SPATA2: variants seen among roughly 807,000 people sequenced by gnomAD.
SPATA2 encodes the protein spermatogenesis-associated protein 2.
SPATA2 carries 8 observed loss-of-function variants against 35.4 expected under a neutral mutation model. The ratio of observed to expected loss-of-function variants is 0.23; its 90% CI spans 0.13 to 0.41. The LOEUF (loss-of-function observed/expected upper bound fraction) is 0.41, where lower values mean the gene tolerates loss of function less well. Among genes scored for constraint, SPATA2 ranks in the 10% least tolerant of loss-of-function variants. SPATA2 has a pLI of 1.00. For missense variants in SPATA2, 650 were observed against 698.7 expected, an observed-to-expected ratio of 0.93 and a Z score of 0.79; for synonymous variants, 293 against 300.9, an observed-to-expected ratio of 0.97 and a Z score of 0.27.
chr20:49,906,266 G>T lies in SPATA2; in HGVS notation c.916C>A (p.His306Asn), dbSNP rs201505755. Residue 306 changes from histidine to asparagine, a missense_variant, in exon 3 of 3, where the codon CAC (histidine) becomes AAC (asparagine). His to Asn is a moderately conservative substitution (Grantham distance 68). Transcript: ENST00000289431. This position sits in a 1 kb window ranked among gnomAD's most constrained non-coding sequence, Gnocchi z 8.2. ...PSLLTMASSP[H>N]GSPDVLPPAS... is the part of the protein sequence containing the mutation. ...GGTGGAAGCACATCCGGGCTGCCGT[G>T]GGGGGAGCTGGCCATGGTCAGCAGC... 67 of 1,571,214 alleles carry T rather than the reference G, an allele frequency of 4.3e-5. No individual in the cohort carries two copies. In the East Asian group the frequency reaches 1.1e-3, roughly 26 times the overall value.
intron 2 of SPATA2, among the ~76,000 whole-genome samples, chr20:49,907,117 G>A (rs2090151130): frequency 6.6e-6 from 1 of 152,194 alleles, no homozygotes; most frequent in Admixed American, 6.5e-5. Flanking sequence ...GTGGAGTGCG[G>A]TGGTGCGATC....
chr20:49,909,685 G>A (rs1334528186), intron 1 of SPATA2, among the ~76,000 whole-genome samples: 1 of 152,202 alleles, frequency 6.6e-6, no homozygotes, highest in Non-Finnish European at 1.5e-5. Flanking sequence ...TCCTGAGGCA[G>A]GAAGCCTGGA....
rs948151805 is a variant in SPATA2, at chr20:49,906,302, G to A, written c.880C>T (p.Pro294Ser). Residue 294 changes from proline to serine, a missense_variant, in exon 3 of 3, where the codon CCA becomes TCA. Coordinates refer to ENST00000289431, the MANE Select transcript of SPATA2 (RefSeq NM_006038.4). The surrounding 1 kb of genome is among the most constrained non-coding windows in gnomAD (Gnocchi z 8.2). Reference protein sequence around the residue: ...GDDLKDEIIRPSPSLLTMASS... With the variant: ...GDDLKDEIIRSSPSLLTMASS... Reference sequence around the variant, plus strand: ...GCCATGGTCAGCAGCGAAGGGGATGGGCGGATGATCTCATCCTTGAGGTCG... The same window carrying A: ...GCCATGGTCAGCAGCGAAGGGGATGAGCGGATGATCTCATCCTTGAGGTCG... 1 of 1,589,492 alleles carries A rather than the reference G, an allele frequency of 6.3e-7. No individual in the cohort carries two copies. The highest frequency in any genetic ancestry group is 8.6e-7 in the Non-Finnish European group (1 of 1,166,518).
chr20:49,908,533 T>G lies in SPATA2; in HGVS notation c.-43A>C. The G allele has an allele frequency of 6.7e-7, 1 of 1,497,204 alleles. No homozygotes were observed. Among genetic ancestry groups the G allele is most frequent in the Non-Finnish European group, 9.1e-7 (1 of 1,098,240 alleles). 92.7% of individuals were successfully genotyped at this position (1,497,204 alleles called of 1,614,324 possible). Reference sequence around the variant, plus strand: ...CCTTATCTCCTCCATGGCTTCTGGATTAGAGGCAGGGACATCACTAAAAGC... The same window carrying G: ...CCTTATCTCCTCCATGGCTTCTGGAGTAGAGGCAGGGACATCACTAAAAGC... On this transcript the variant is annotated 5_prime_UTR_variant, in exon 2 of 3. Coordinates refer to ENST00000289431, the MANE Select transcript of SPATA2 (RefSeq NM_006038.4).
At position 49,906,645 on chromosome 20, in the gene SPATA2, G is replaced by A; in HGVS notation, c.537C>T (p.Ile179=). ...AKVECEQMLE[I]HSQVKDKGYS... ...AGCCCTTGTCCTTCACTTGTGAGTG[G>A]ATTTCTAGCATCTGCTCACACTCGA... The change falls in exon 3 of 3, where the codon ATC becomes ATT. Residue 179 remains isoleucine (I), a synonymous_variant. Coordinates refer to ENST00000289431, the MANE Select transcript of SPATA2 (RefSeq NM_006038.4). This position sits in a 1 kb window ranked among gnomAD's most constrained non-coding sequence, Gnocchi z 8.2. 1 of 1,614,206 alleles carries A rather than the reference G, an allele frequency of 6.2e-7. No homozygotes were observed. Among genetic ancestry groups the A allele is most frequent in the Non-Finnish European group, 8.5e-7 (1 of 1,180,038 alleles).
Position 49,903,930 on chromosome 20 carries a change from T to TAA in SPATA2, c.*1688_*1689insTT, listed in dbSNP as rs2090123977. On this transcript the variant is annotated 3_prime_UTR_variant, in exon 3 of 3. Transcript: ENST00000289431. ...ATATATATATATATATATATATATA[T>TAA]ATATATATATATATATATATATTAA... is the stretch of plus-strand genomic sequence containing the variant. The TAA allele has an allele frequency of 7.7e-6, 1 of 130,002 alleles. No individual in the cohort carries two copies. Among genetic ancestry groups the TAA allele is most frequent in the Non-Finnish European group, 1.6e-5 (1 of 61,108 alleles). 8.1% of individuals were successfully genotyped at this position (130,002 alleles called of 1,614,324 possible). A position where few individuals can be genotyped will look rare whatever the true frequency, so the allele number is the denominator to read the frequency against.
Position 49,908,505 on chromosome 20 carries a change from C to T in SPATA2, c.-15G>A, listed in dbSNP as rs750815209. ...GGCTTCCCCATCCGATCGAGGGGGG[C>T]TACCTTATCTCCTCCATGGCTTCTG... is the stretch of plus-strand genomic sequence containing the variant. On this transcript the variant is annotated 5_prime_UTR_variant, in exon 2 of 3. The change abolishes the stop of an existing upstream ORF in the 5' untranslated region. Transcript: ENST00000289431. 1 of 1,562,654 alleles carries T rather than the reference C, an allele frequency of 6.4e-7. No homozygotes were observed. The highest frequency in any genetic ancestry group is 1.2e-5 in the South Asian group (1 of 84,436).
chr20:49,908,057 G>C, intron 2 of SPATA2, 98 bp downstream of exon 2: 6 of 1,213,982 alleles, frequency 4.9e-6, no homozygotes, highest in Non-Finnish European at 6.9e-6. Context: ...TGAGAGCACA[G>C]GATGGATGGG....
Position 49,906,653 on chromosome 20 carries a change from G to C in SPATA2, c.529C>G (p.Leu177Val), listed in dbSNP as rs747992040. 6.2e-6 allele frequency: 10 copies of C among 1,614,074 alleles called. No individual in the cohort carries two copies. The highest frequency in any genetic ancestry group is 8.5e-6 in the Non-Finnish European group (10 of 1,180,056). The change falls in exon 3 of 3, where the codon CTA (leucine) becomes GTA (valine). Residue 177 changes from leucine (L) to valine (V), a missense_variant. Physicochemically the swap from Leu to Val is conservative, Grantham distance 32 (BLOSUM62 1). Coordinates refer to ENST00000289431, the MANE Select transcript of SPATA2 (RefSeq NM_006038.4). This position sits in a 1 kb window ranked among gnomAD's most constrained non-coding sequence, Gnocchi z 8.2. ...TCCTTCACTTGTGAGTGGATTTCTA[G>C]CATCTGCTCACACTCGACTTTGGCC... ...FLAKVECEQM[L>V]EIHSQVKDKG...
chr20:49,906,948 G>T lies in SPATA2; in HGVS notation c.337-103C>A. The T allele has an allele frequency of 7.6e-7, 1 of 1,319,984 alleles. No individual in the cohort carries two copies. Among genetic ancestry groups the T allele is most frequent in the Non-Finnish European group, 1.0e-6 (1 of 967,112 alleles). The allele number at this position is 1,319,984 out of a possible 1,614,324, so 81.8% of individuals were successfully genotyped here. On this transcript the variant is annotated intron_variant, in intron 2 of 2. Coordinates refer to ENST00000289431, the MANE Select transcript of SPATA2 (RefSeq NM_006038.4). The surrounding 1 kb of genome is among the most constrained non-coding windows in gnomAD (Gnocchi z 8.2). Reference sequence around the variant, plus strand: ...ATGTCCAGCTCTGAAGTGGGGCGGCGGGGAGAGGGCAGGGCAGGGAAGGAT... The same window carrying T: ...ATGTCCAGCTCTGAAGTGGGGCGGCTGGGAGAGGGCAGGGCAGGGAAGGAT...
At chr20:49,914,654 C>T (rs1439054032) in intron 1 of SPATA2, among the ~76,000 whole-genome samples, 1 of 152,166 alleles carries the variant, frequency 6.6e-6, no homozygotes, top group East Asian at 1.9e-4. Flanking sequence ...TGAAAATAAC[C>T]TCAGCGGTGC....
In SPATA2 at chr20:49,903,900, TAGATATA is replaced by T. The variant is rs2090122204; in HGVS notation, c.*1712_*1718del. 1 of 65,698 alleles carries T rather than the reference TAGATATA, an allele frequency of 1.5e-5. No individual in the cohort carries two copies. Among genetic ancestry groups the T allele is most frequent in the South Asian group, 4.9e-4 (1 of 2,026 alleles). 4.1% of individuals were successfully genotyped at this position (65,698 alleles called of 1,614,324 possible). Reference sequence around the variant, plus strand: ...GTACATCTACATGTGATCTACCAGATAGATATATATATATATATATATATATATATAT... The same window carrying T: ...GTACATCTACATGTGATCTACCAGATTATATATATATATATATATATATAT... On this transcript the variant is annotated 3_prime_UTR_variant, in exon 3 of 3. Transcript: ENST00000289431.
intron 2 of SPATA2, among the ~76,000 whole-genome samples, chr20:49,907,820 C>T (rs183050515): frequency 5.0e-4 from 67 of 134,228 alleles, no homozygotes; most frequent in African/African-American, 1.7e-3. Context: ...CAGCCTACTT[C>T]CCATACCACA....
At chr20:49,913,244 C>T (rs926782369) in intron 1 of SPATA2, among the ~76,000 whole-genome samples, 1 of 152,224 alleles carries the variant, frequency 6.6e-6, no homozygotes, top group African/African-American at 2.4e-5. Context: ...CAGGCTCTTC[C>T]CATTAAAACA....
At chr20:49,912,630 A>G (rs1171459239) in intron 1 of SPATA2, among the ~76,000 whole-genome samples, 4 of 152,186 alleles carry the variant, frequency 2.6e-5, no homozygotes, top group African/African-American at 9.7e-5. Context: ...TCTCCAAGGA[A>G]GTCAGCCTTG....
At position 49,915,227 on chromosome 20, in the gene SPATA2, C is replaced by T. The variant is rs925703607; in HGVS notation, c.-103+153G>A. 3.4e-4 allele frequency among the ~76,000 whole-genome samples: 52 copies of T among 152,148 alleles called. 1 individual carries two copies. Among genetic ancestry groups the T allele is most frequent in the Admixed American group, 3.3e-4 (5 of 15,284 alleles). On this transcript the variant is annotated intron_variant, in intron 1 of 2. Transcript: ENST00000289431. ...GGGGTCCTGAGGATAGGCTGGGGGT[C>T]CCGGGAGCGCCGAAACAGCGGGCCC...
intron 1 of SPATA2, among the ~76,000 whole-genome samples, chr20:49,912,355 A>G (rs1336400385): frequency 6.6e-6 from 1 of 152,164 alleles, no homozygotes; most frequent in Non-Finnish European, 1.5e-5. Flanking sequence ...CTGAGGCAGG[A>G]GAATGGCGTG....
In SPATA2 at chr20:49,903,954, A is replaced by ATAT. The variant is rs2090125306; in HGVS notation, c.*1664_*1665insATA. On this transcript the variant is annotated 3_prime_UTR_variant, in exon 3 of 3. Coordinates refer to ENST00000289431, the MANE Select transcript of SPATA2 (RefSeq NM_006038.4). ...ATATATATATATATATATATATATT[A>ATAT]AAAAGAGAGCCATAGAAGATTTGGA... The ATAT allele has an allele frequency of 1.7e-5, 2 of 117,956 alleles. No homozygotes were observed. Among genetic ancestry groups the ATAT allele is most frequent in the Non-Finnish European group, 3.7e-5 (2 of 54,528 alleles). 7.3% of individuals were successfully genotyped at this position (117,956 alleles called of 1,614,324 possible). A position where few individuals can be genotyped will look rare whatever the true frequency, so the allele number is the denominator to read the frequency against.
chr20:49,909,983 C>T (rs977695261), intron 1 of SPATA2, among the ~76,000 whole-genome samples: 1 of 152,240 alleles, frequency 6.6e-6, no homozygotes, highest in Non-Finnish European at 1.5e-5. Flanking sequence ...GAGCGCTTGA[C>T]AGCCCCCTGT....
Sources: allele counts gnomAD v4.1 joint callset (sites outside exome capture counted in the v4.1 genomes callset), GRCh38; gene constraint gnomAD v4.1.1; non-coding constraint Gnocchi (gnomAD v3.1); transcripts MANE v1.5; gene names NCBI Gene and HGNC (gene_info 2026-07-23, HGNC 2026-07-21).